The following PCDH7 variants were observed in gnomAD, a reference collection of about 807,000 sequenced individuals.
The protein encoded by PCDH7 is protocadherin-7.
In PCDH7, 17 loss-of-function variants were observed where a neutral mutation model predicts 58.9. The observed-to-expected ratio is 0.29, with a 90% confidence interval of 0.20 to 0.43. PCDH7 has a LOEUF of 0.43. Among genes scored for constraint, PCDH7 ranks in the 20% least tolerant of loss-of-function variants. The pLI is 1.00. For missense variants in PCDH7, 1,274 were observed against 1,441.0 expected (o/e 0.88, Z 1.88); for synonymous variants, 664 against 616.4 (o/e 1.08, Z -1.14).
chr4:30,964,640 A>ATTTTTTTTTT (rs1560538793), intron 3 of PCDH7, among the ~76,000 whole-genome samples: 1 of 148,896 alleles, frequency 6.7e-6, no homozygotes. Context: ...AACCTCCCTG[A>ATTTTTTTTTT]GGGCAGAAAT....
At chr4:30,948,458 C>CA (rs1294968408) in intron 2 of PCDH7, among the ~76,000 whole-genome samples, 1 of 151,936 alleles carries the variant, frequency 6.6e-6, no homozygotes, top group African/African-American at 2.4e-5. Context: ...TTTAAATGTA[C>CA]AAAAAATTAG....
At chr4:30,731,665 T>A (rs1715522744) in exon 2 of PCDH7, 1 of 152,160 alleles carries the variant, frequency 6.6e-6, no homozygotes, top group South Asian at 2.1e-4. Context: ...TTAAACATCC[T>A]ATTTGATGTC....
intron 3 of PCDH7, among the ~76,000 whole-genome samples, chr4:30,968,510 C>T (rs1749256422): frequency 6.6e-6 from 1 of 150,458 alleles, no homozygotes; most frequent in Non-Finnish European, 1.5e-5. Flanking sequence ...TGATCAGAAT[C>T]TTCTTTTTAA....
At chr4:30,836,858 A>G (rs1393920621) in intron 1 of PCDH7, among the ~76,000 whole-genome samples, 3 of 152,212 alleles carry the variant, frequency 2.0e-5, no homozygotes, top group Admixed American at 2.0e-4. Context: ...AATGACTGTC[A>G]GAGTAACTCA....
Position 30,721,394 on chromosome 4 carries a change from AG to A in PCDH7, c.-27del. 1 of 1,458,670 alleles carries A rather than the reference AG, an allele frequency of 6.9e-7. No individual in the cohort carries two copies. Among genetic ancestry groups the A allele is most frequent in the Non-Finnish European group, 9.0e-7 (1 of 1,107,166 alleles). The allele number at this position is 1,458,670 out of a possible 1,614,324, so 90.4% of individuals were successfully genotyped here. On this transcript the variant is annotated 5_prime_UTR_variant, in exon 1 of 2. The change creates a premature stop within an existing upstream ORF in the 5' untranslated region. Transcript: ENST00000361762. The surrounding 1 kb of genome is among the most constrained non-coding windows in gnomAD (Gnocchi z 6.7). ...GGGCGCCGAGGGGGCTGTGGTTAGA[AG>A]GAGCAGTAGCAGCAGCAGCAGGAGA...
intron 3 of PCDH7, among the ~76,000 whole-genome samples, chr4:31,105,149 T>C (rs1360154079): frequency 6.6e-6 from 1 of 152,228 alleles, no homozygotes; most frequent in Non-Finnish European, 1.5e-5. Context: ...AACTGATGTG[T>C]TCATTCTCAC....
chr4:31,007,293 C>T lies in PCDH7; in HGVS notation c.*7+57078C>T, dbSNP rs77087593. Among the ~76,000 whole-genome samples the T allele has an allele frequency of 9.8e-3, 1,497 of 152,266 alleles. 19 individuals carry two copies. Among genetic ancestry groups the T allele is most frequent in the South Asian group, 0.02 (96 of 4,830 alleles). On this transcript the variant is annotated intron_variant, in intron 3 of 3. Transcript: ENST00000509759. ...TAGTTAGTGTTTTTAAAGTATAATG[C>T]CTGATTCTTAGGGTATGCAATACAT...
At chr4:30,908,190 C>T (rs557675782) in intron 1 of PCDH7, among the ~76,000 whole-genome samples, 2 of 148,790 alleles carry the variant, frequency 1.3e-5, no homozygotes, top group East Asian at 2.0e-4. Context: ...ACATGTATGC[C>T]TATGTAACAA....
intron 3 of PCDH7, among the ~76,000 whole-genome samples, chr4:31,125,883 C>T (rs1048063103): frequency 1.3e-5 from 2 of 152,216 alleles, no homozygotes; most frequent in South Asian, 2.1e-4. Context: ...GAGCCATAAC[C>T]TCATTGTAAG....
chr4:31,136,654 G>T (rs1267434643), intron 3 of PCDH7, among the ~76,000 whole-genome samples: 1 of 152,176 alleles, frequency 6.6e-6, no homozygotes, highest in East Asian at 1.9e-4. Context: ...TCCAGAAAGT[G>T]TTCCTACATT....
Position 30,983,901 on chromosome 4 carries a change from C to T in PCDH7, c.*7+33686C>T, listed in dbSNP as rs200048397. Among the ~76,000 whole-genome samples, 24 of 152,210 alleles carry T rather than the reference C, an allele frequency of 1.6e-4. No homozygotes were observed. The East Asian group carries it at 3.9e-3, about 24-fold the overall frequency. ...TTTGTCTGTTGATACTTGCTGGGTA[C>T]TGTCATAGTGCTCCACACCACTGAG... On this transcript the variant is annotated intron_variant, in intron 3 of 3. Transcript: ENST00000509759.
At chr4:30,794,345 G>C (rs1724516493) in intron 1 of PCDH7, among the ~76,000 whole-genome samples, 1 of 152,148 alleles carries the variant, frequency 6.6e-6, no homozygotes, top group Non-Finnish European at 1.5e-5. Context: ...TTAATTGCTG[G>C]AAGCTGTTGG....
chr4:30,968,114 C>T (rs1339281619), intron 3 of PCDH7, among the ~76,000 whole-genome samples: 2 of 151,634 alleles, frequency 1.3e-5, no homozygotes, highest in South Asian at 2.1e-4. Context: ...GACACTATGT[C>T]GTCTCCACTG....
At chr4:31,087,011 G>A (rs1403774961) in intron 3 of PCDH7, among the ~76,000 whole-genome samples, 2 of 152,110 alleles carry the variant, frequency 1.3e-5, no homozygotes, top group African/African-American at 4.8e-5. Flanking sequence ...AGCCTTTCTG[G>A]AAACAAAATC....
At chr4:30,735,313 C>T (rs1716098018), downstream of PCDH7, among the ~76,000 whole-genome samples, 1 of 152,044 alleles carries the variant, frequency 6.6e-6, no homozygotes, top group African/African-American at 2.4e-5. Context: ...ATAAACTTTC[C>T]ATCTTTGTTC....
At chr4:30,986,601 T>C (rs1216395837) in intron 3 of PCDH7, among the ~76,000 whole-genome samples, 1 of 152,052 alleles carries the variant, frequency 6.6e-6, no homozygotes, top group Non-Finnish European at 1.5e-5. Context: ...AAGAAATGGT[T>C]GAACAATGAC....
chr4:30,979,552 G>A (rs969752487), intron 3 of PCDH7, among the ~76,000 whole-genome samples: 2 of 151,754 alleles, frequency 1.3e-5, no homozygotes, highest in Admixed American at 6.6e-5. Context: ...AATAGAGAAC[G>A]TATTTTCTTC....
intron 1 of PCDH7, among the ~76,000 whole-genome samples, chr4:30,834,466 A>G (rs1488627311): frequency 6.6e-6 from 1 of 152,190 alleles, no homozygotes; most frequent in Non-Finnish European, 1.5e-5. Context: ...GAGAGCCAGG[A>G]TTTTAAACTG....
chr4:30,779,436 A>G (rs1722502487), intron 1 of PCDH7, among the ~76,000 whole-genome samples: 1 of 152,200 alleles, frequency 6.6e-6, no homozygotes, highest in Admixed American at 6.5e-5. Flanking sequence ...TCAATGTCTT[A>G]GTGTTTACAA....
Sources: allele counts gnomAD v4.1 joint callset (sites outside exome capture counted in the v4.1 genomes callset), GRCh38; gene constraint gnomAD v4.1.1; non-coding constraint Gnocchi (gnomAD v3.1); transcripts MANE v1.5; gene names NCBI Gene and HGNC (gene_info 2026-07-23, HGNC 2026-07-21).